HPSE2: variants seen among roughly 807,000 people sequenced by gnomAD.
HPSE2 encodes inactive heparanase-2.
A neutral mutation model predicts 60.5 loss-of-function variants in HPSE2; 38 were observed. The observed-to-expected ratio is 0.63, with a 90% confidence interval of 0.48 to 0.82. The LOEUF (loss-of-function observed/expected upper bound fraction) is 0.82. Among genes scored for constraint, HPSE2 ranks in the 40% least tolerant of loss-of-function variants. The pLI is 0.00. For synonymous variants in HPSE2, 295 were observed against 293.2 expected (o/e 1.01, Z -0.06); for missense variants, 713 against 740.4 (o/e 0.96, Z 0.43).
intron 9 of HPSE2, among the ~76,000 whole-genome samples, chr10:98,611,097 G>C (rs1025508496): frequency 2.6e-5 from 4 of 152,204 alleles, no homozygotes; most frequent in Non-Finnish European, 4.4e-5. Flanking sequence ...GTGTTGGGGG[G>C]GGCCAGGGGA....
intron 2 of HPSE2, among the ~76,000 whole-genome samples, chr10:99,145,261 T>C (rs913948622): frequency 2.0e-5 from 3 of 151,974 alleles, no homozygotes; most frequent in Admixed American, 6.5e-5. Context: ...TCAAGACCAG[T>C]CTGACCAATA....
chr10:98,468,938 C>A (rs1356030028), intron 11 of HPSE2, among the ~76,000 whole-genome samples: 1 of 152,146 alleles, frequency 6.6e-6, no homozygotes, highest in East Asian at 1.9e-4. Flanking sequence ...CTGAGGGACA[C>A]GCTGAAATGG....
At chr10:98,769,330 T>G (rs566203841) in intron 3 of HPSE2, among the ~76,000 whole-genome samples, 1 of 152,044 alleles carries the variant, frequency 6.6e-6, no homozygotes, top group African/African-American at 2.4e-5. Context: ...GTTGTTTTGG[T>G]GGAGTGGAGG....
intron 3 of HPSE2, among the ~76,000 whole-genome samples, chr10:98,908,459 G>C (rs1953885156): frequency 6.6e-6 from 1 of 152,054 alleles, no homozygotes; most frequent in Non-Finnish European, 1.5e-5. Flanking sequence ...TGAGGCGGGT[G>C]GATCACCTGA....
intron 3 of HPSE2, among the ~76,000 whole-genome samples, chr10:99,087,094 C>T (rs1443764907): frequency 6.6e-6 from 1 of 152,214 alleles, no homozygotes. Flanking sequence ...TTTAATTTCA[C>T]TGCATTTAAA....
At chr10:99,055,492 A>C (rs1173206962) in intron 3 of HPSE2, among the ~76,000 whole-genome samples, 1 of 152,158 alleles carries the variant, frequency 6.6e-6, no homozygotes, top group Non-Finnish European at 1.5e-5. Flanking sequence ...ATATAAAATG[A>C]CCTAATATAA....
intron 9 of HPSE2, 46 bp downstream of exon 9, chr10:98,614,858 C>A: frequency 7.8e-7 from 1 of 1,278,390 alleles, no homozygotes; most frequent in Non-Finnish European, 1.1e-6. Flanking sequence ...ATCAAAAGAA[C>A]TGAATGACAT....
chr10:99,046,711 C>G (rs1957863373), intron 3 of HPSE2, among the ~76,000 whole-genome samples: 1 of 151,968 alleles, frequency 6.6e-6, no homozygotes, highest in African/African-American at 2.4e-5. Context: ...AAATTGAGAA[C>G]ACAATCCCAT....
At chr10:99,154,929 CAAAAA>C (rs1047165731) in intron 2 of HPSE2, among the ~76,000 whole-genome samples, 1 of 151,006 alleles carries the variant, frequency 6.6e-6, no homozygotes, top group Non-Finnish European at 1.5e-5. Context: ...AAATGGAAAA[CAAAAA>C]AAGGCAGGGG....
intron 3 of HPSE2, among the ~76,000 whole-genome samples, chr10:98,758,576 A>G (rs1325831535): frequency 2.0e-5 from 3 of 152,182 alleles, no homozygotes; most frequent in Admixed American, 6.6e-5. Context: ...ACAAGCATAT[A>G]AAGAAATGCT....
At chr10:98,657,402 G>T (rs1203357343) in intron 6 of HPSE2, among the ~76,000 whole-genome samples, 3 of 151,926 alleles carry the variant, frequency 2.0e-5, no homozygotes, top group Non-Finnish European at 4.4e-5. Flanking sequence ...TGTGATCTCG[G>T]CTCACTGCAA....
intron 3 of HPSE2, among the ~76,000 whole-genome samples, chr10:98,924,280 C>T (rs1954379914): frequency 6.6e-6 from 1 of 152,150 alleles, no homozygotes; most frequent in Non-Finnish European, 1.5e-5. Flanking sequence ...ATGCAATCAC[C>T]CCTGTGGCCA....
chr10:99,094,230 C>T (rs1379677601), intron 3 of HPSE2, among the ~76,000 whole-genome samples: 2 of 151,736 alleles, frequency 1.3e-5, no homozygotes, highest in Admixed American at 6.6e-5. Context: ...TCGTCGTTCA[C>T]GTTATTAATT....
chr10:98,732,311 C>G (rs1949247245), intron 4 of HPSE2, among the ~76,000 whole-genome samples: 1 of 151,942 alleles, frequency 6.6e-6, no homozygotes, highest in Non-Finnish European at 1.5e-5. Context: ...ATTCAAACAC[C>G]CAGGATAGCC....
At chr10:98,879,694 T>A (rs1375644537) in intron 3 of HPSE2, among the ~76,000 whole-genome samples, 1 of 152,006 alleles carries the variant, frequency 6.6e-6, no homozygotes, top group African/African-American at 2.4e-5. Context: ...TAAAGACCCA[T>A]GTGAATCATT....
At chr10:99,301,380 AG>A in the HPSE2 span, among the ~76,000 whole-genome samples, 4 of 152,194 alleles carry the variant, frequency 2.6e-5, no homozygotes, top group African/African-American at 9.7e-5. Flanking sequence ...TGGGAAAGTG[AG>A]GGTATCAGGT....
chr10:99,309,028 AT>A, the HPSE2 span, among the ~76,000 whole-genome samples: 129 of 150,396 alleles, frequency 8.6e-4, 1 homozygote, highest in African/African-American at 2.9e-3. Flanking sequence ...AGAGAGCTGT[AT>A]TTTTTTTTTC....
intron 2 of HPSE2, among the ~76,000 whole-genome samples, chr10:99,145,229 G>C (rs1214480407): frequency 6.6e-6 from 1 of 152,158 alleles, no homozygotes; most frequent in Non-Finnish European, 1.5e-5. Flanking sequence ...GGCCAAGGCG[G>C]GCAGATCACG....
chr10:98,653,840 C>A (rs1946985900), intron 6 of HPSE2, among the ~76,000 whole-genome samples: 1 of 152,098 alleles, frequency 6.6e-6, no homozygotes, highest in Admixed American at 6.5e-5. Context: ...TGATCTATAT[C>A]ACATTCTTTC....
Sources: gnomAD v4.1 joint callset for allele counts (sites outside exome capture counted in the v4.1 genomes callset) on GRCh38, gnomAD v4.1.1 for gene constraint, MANE v1.5 for transcripts, NCBI Gene and HGNC (gene_info 2026-07-23, HGNC 2026-07-21) for gene names.